Variants in EFHC2 observed in about 807,000 individuals in gnomAD.
EFHC2 encodes EF-hand domain-containing family member C2.
EFHC2 carries 18 observed loss-of-function variants against 52.7 expected under a neutral mutation model. The ratio of observed to expected loss-of-function variants is 0.34; its 90% confidence interval spans 0.24 to 0.51. The LOEUF (loss-of-function observed/expected upper bound fraction) is 0.51. Among genes scored for constraint, EFHC2 ranks in the 20% least tolerant of loss-of-function variants. The pLI is 0.97. For missense variants in EFHC2, 513 were observed against 562.5 expected (o/e 0.91, Z 0.89); for synonymous variants, 203 against 204.1 (o/e 0.99, Z 0.04).
chrX:44,211,943 G>A (rs1402660403), intron 11 of EFHC2, among the ~76,000 whole-genome samples: 3 of 108,523 alleles, frequency 2.8e-5, no homozygotes, highest in African/African-American at 1.0e-4. Flanking sequence ...GAAGTCACAG[G>A]GCAAATCACT....
At chrX:44,319,846 A>C (rs1371720577) in intron 1 of EFHC2, among the ~76,000 whole-genome samples, 1 of 112,686 alleles carries the variant, frequency 8.9e-6, no homozygotes, top group Non-Finnish European at 1.9e-5. Context: ...CAAAGACAGC[A>C]TGTATGCTTC....
chrX:44,205,569 ATAAAACCAACAACAT>A (rs2037042549), intron 11 of EFHC2, among the ~76,000 whole-genome samples: 1 of 111,508 alleles, frequency 9.0e-6, no homozygotes, highest in African/African-American at 3.3e-5. Context: ...TTTGTATCAG[ATAAAACCAACAACAT>A]TAAAACCAAC....
intron 14 of EFHC2, among the ~76,000 whole-genome samples, chrX:44,158,251 G>C (rs1569272834): frequency 9.0e-6 from 1 of 111,625 alleles, no homozygotes; most frequent in African/African-American, 3.3e-5. Flanking sequence ...CAGCCAATAA[G>C]TTTTTTTTAT....
chrX:44,330,661 C>T (rs1015134967), intron 1 of EFHC2, among the ~76,000 whole-genome samples: 1 of 111,920 alleles, frequency 8.9e-6, no homozygotes, highest in African/African-American at 3.3e-5. Flanking sequence ...CACAGTGAGA[C>T]TCTGTCTCCA....
rs758360630 is a variant in EFHC2 at position 44,235,268 on chromosome X, G to A, written c.1423+37C>T. On this transcript the variant is annotated intron_variant, in intron 9 of 14. Coordinates refer to ENST00000420999, the MANE Select transcript of EFHC2 (RefSeq NM_025184.4). ...TTCAACATGAAGAGACACTTAAAAT[G>A]TTCTCAAGAAAATACTGTGAAGAGT... The A allele has an allele frequency of 1.0e-5, 11 of 1,069,748 alleles. No homozygotes were observed. In the East Asian group the frequency reaches 3.8e-4, roughly 37 times the overall value. The allele number at this position is 1,069,748 out of a possible 1,213,427, so 88.2% of individuals were successfully genotyped here.
At chrX:44,317,603 T>C (rs2037991358) in intron 1 of EFHC2, among the ~76,000 whole-genome samples, 1 of 112,652 alleles carries the variant, frequency 8.9e-6, no homozygotes, top group African/African-American at 3.2e-5. Context: ...CTGAGCAACA[T>C]GGTGAGACCT....
chrX:44,307,690 T>A (rs1460219342), intron 2 of EFHC2, among the ~76,000 whole-genome samples: 2 of 111,344 alleles, frequency 1.8e-5, no homozygotes, highest in Admixed American at 9.6e-5. Context: ...TCCCAGCACT[T>A]TAGGAGGCTG....
chrX:44,281,044 C>T (rs1324439522), intron 2 of EFHC2, among the ~76,000 whole-genome samples: 8 of 110,759 alleles, frequency 7.2e-5, no homozygotes, highest in South Asian at 7.8e-4. Flanking sequence ...CTCAGCCTCC[C>T]GAGTAGCTGG....
intron 2 of EFHC2, chrX:44,310,023 A>G: frequency 2.1e-6 from 2 of 948,957 alleles, no homozygotes; most frequent in Non-Finnish European, 3.0e-6. Flanking sequence ...AATCTGAACT[A>G]TTTGGCTAAA....
intron 1 of EFHC2, among the ~76,000 whole-genome samples, chrX:44,313,480 C>G (rs189205072): frequency 9.8e-5 from 11 of 112,009 alleles, no homozygotes; most frequent in Non-Finnish European, 1.9e-4. Flanking sequence ...CCTAGCCAAT[C>G]CACTCCTACA....
At chrX:44,251,714 ATTC>A (rs1469472848) in intron 4 of EFHC2, among the ~76,000 whole-genome samples, 1 of 107,045 alleles carries the variant, frequency 9.3e-6, no homozygotes, top group Non-Finnish European at 1.9e-5. Flanking sequence ...AAGATTTAAA[ATTC>A]TTATTTAAGA....
chrX:44,260,941 G>T, intron 4 of EFHC2, 134 bp downstream of exon 4: 1 of 555,410 alleles, frequency 1.8e-6, no homozygotes, highest in South Asian at 3.3e-5. Context: ...CTAGCCCAAA[G>T]AAGAACAAAA....
chrX:44,197,564 G>T (rs902653324), intron 11 of EFHC2, among the ~76,000 whole-genome samples: 1 of 111,889 alleles, frequency 8.9e-6, no homozygotes, highest in Non-Finnish European at 1.9e-5. Context: ...CACAGAACCA[G>T]CAGTCCAAGG....
chrX:44,231,445 C>G (rs73196197), intron 10 of EFHC2, among the ~76,000 whole-genome samples: 2 of 110,916 alleles, frequency 1.8e-5, no homozygotes, highest in African/African-American at 3.3e-5. Context: ...CTGAGGCTCT[C>G]CCTACCCACC....
chrX:44,178,305 T>C, intron 12 of EFHC2, 62 bp downstream of exon 12: 1 of 1,029,842 alleles, frequency 9.7e-7, no homozygotes, highest in Non-Finnish European at 1.3e-6. Flanking sequence ...AAAATAGAAA[T>C]TCCTTCATTA....
chrX:44,315,606 C>CTAA (rs2037978175), intron 1 of EFHC2, among the ~76,000 whole-genome samples: 2 of 111,052 alleles, frequency 1.8e-5, no homozygotes, highest in Admixed American at 1.9e-4. Context: ...TCATGTGACC[C>CTAA]TAAGCTCTGG....
At position 44,203,037 on chromosome X, in the gene EFHC2, C is replaced by T. The variant is rs190376027; in HGVS notation, c.1752-24473G>A. 3.9e-4 allele frequency among the ~76,000 whole-genome samples: 44 copies of T among 111,703 alleles called. No homozygotes were observed. The East Asian group carries it at 5.4e-3, about 14-fold the overall frequency. On this transcript the variant is annotated intron_variant, in intron 11 of 14. Coordinates refer to ENST00000420999, the MANE Select transcript of EFHC2 (RefSeq NM_025184.4). ...CCCATGAGCATGCACTGAAAGAAAGCACTGTTCACACTTTTCCGGTGGCTC... is the reference window on the plus strand; with the variant it reads ...CCCATGAGCATGCACTGAAAGAAAGTACTGTTCACACTTTTCCGGTGGCTC...
At chrX:44,268,201 T>C (rs976404266) in intron 3 of EFHC2, among the ~76,000 whole-genome samples, 1 of 111,624 alleles carries the variant, frequency 9.0e-6, no homozygotes, top group African/African-American at 3.3e-5. Flanking sequence ...TCAGGTCTTT[T>C]TTTTCTGAGA....
chrX:44,325,896 CTT>C (rs60938103), intron 1 of EFHC2, among the ~76,000 whole-genome samples: 24 of 96,180 alleles, frequency 2.5e-4, no homozygotes, highest in East Asian at 6.5e-4. Flanking sequence ...AAGCATTAAA[CTT>C]TTTTTTTTTT....
Sources: gnomAD v4.1 joint callset for allele counts (sites outside exome capture counted in the v4.1 genomes callset) on GRCh38, gnomAD v4.1.1 for gene constraint, MANE v1.5 for transcripts, NCBI Gene and HGNC (gene_info 2026-07-23, HGNC 2026-07-21) for gene names.